Variants in RNF220 observed in about 807,000 individuals in gnomAD.
The protein encoded by RNF220 is ring finger protein 220.
In RNF220, 7 loss-of-function variants were observed where a neutral mutation model predicts 67.1. The observed-to-expected ratio is 0.10, with a 90% CI of 0.06 to 0.20. The LOEUF is 0.20. Ranked by LOEUF, RNF220 falls within the 10% of genes least tolerant of loss-of-function variation. The pLI, the probability that RNF220 is intolerant of heterozygous loss-of-function variation, is 1.00. For missense variants in RNF220, 565 were observed against 740.3 expected (o/e 0.76, Z 2.75); for synonymous variants, 270 against 283.2 (o/e 0.95, Z 0.47).
chr1:44,429,878 A>G (rs1650176676), intron 2 of RNF220, among the ~76,000 whole-genome samples: 4 of 152,182 alleles, frequency 2.6e-5, no homozygotes, highest in Admixed American at 2.6e-4. Context: ...TTTATCCTGC[A>G]TATATTGGGT....
intron 2 of RNF220, among the ~76,000 whole-genome samples, chr1:44,510,698 C>T (rs765384954): frequency 2.0e-5 from 3 of 152,094 alleles, no homozygotes; most frequent in Non-Finnish European, 4.4e-5. Flanking sequence ...TCTAGTGGCA[C>T]GATGAGGTGG....
chr1:44,504,092 C>T (rs1410177082), intron 2 of RNF220, among the ~76,000 whole-genome samples: 2 of 152,124 alleles, frequency 1.3e-5, no homozygotes, highest in African/African-American at 2.4e-5. Context: ...TTGTGATCCA[C>T]CTGCCTCAGC....
intron 2 of RNF220, among the ~76,000 whole-genome samples, chr1:44,563,394 G>A (rs995324266): frequency 1.3e-5 from 2 of 152,192 alleles, no homozygotes; most frequent in Non-Finnish European, 2.9e-5. Context: ...CAGCAGCTGA[G>A]GACTTCAGGG....
chr1:44,577,656 C>T (rs939960694), intron 2 of RNF220, among the ~76,000 whole-genome samples: 4 of 152,138 alleles, frequency 2.6e-5, no homozygotes, highest in African/African-American at 9.7e-5. Flanking sequence ...TGATCAGTAC[C>T]ACAAAGGAAA....
intron 3 of RNF220, among the ~76,000 whole-genome samples, chr1:44,617,897 C>T (rs1643628771): frequency 6.6e-6 from 1 of 152,108 alleles, no homozygotes; most frequent in Admixed American, 6.5e-5. Flanking sequence ...TGCCCCAGCC[C>T]TTCTTTCCCC....
intron 1 of RNF220, among the ~76,000 whole-genome samples, chr1:44,406,652 C>T (rs892932421): frequency 1.3e-5 from 2 of 152,250 alleles, no homozygotes; most frequent in Non-Finnish European, 2.9e-5. Flanking sequence ...CCCAGCCCCG[C>T]CACCGCACTC....
chr1:44,646,852 C>T (rs538105197), intron 12 of RNF220, among the ~76,000 whole-genome samples: 40 of 152,188 alleles, frequency 2.6e-4, no homozygotes, highest in Non-Finnish European at 4.1e-4. Context: ...CCATCAGTCC[C>T]CGTGATTTCT....
At chr1:44,644,919 G>A in intron 9 of RNF220, 76 bp from the exon 10 acceptor site, 1 of 1,551,324 alleles carries the variant, frequency 6.4e-7, no homozygotes. Context: ...TGGCCAGGAG[G>A]GCCATGCTCT....
rs1032365363 is a variant in RNF220 at position 44,645,836 on chromosome 1, G to A, written c.1445+348G>A. On this transcript the variant is annotated intron_variant, in intron 12 of 14. Transcript: ENST00000361799. This position sits in a 1 kb window ranked among gnomAD's most constrained non-coding sequence, Gnocchi z 5.0. ...ATCTCCAGTTTCTGTTTCTTAATCG[G>A]GAGCTAAATTGGTTTCATTTTTCTT... 2.0e-5 allele frequency among the ~76,000 whole-genome samples: 3 copies of A among 152,246 alleles called. No homozygotes were observed. Among genetic ancestry groups the A allele is most frequent in the African/African-American group, 7.2e-5 (3 of 41,456 alleles).
chr1:44,405,440 A>G lies in RNF220; in HGVS notation c.-208A>G, dbSNP rs952233857. 3 of 616,692 alleles carry G rather than the reference A, an allele frequency of 4.9e-6. No individual in the cohort carries two copies. In the African/African-American group the frequency reaches 5.7e-5, roughly 12 times the overall value. 38.2% of individuals were successfully genotyped at this position (616,692 alleles called of 1,614,324 possible). A position where few individuals can be genotyped will look rare whatever the true frequency, so the allele number is the denominator to read the frequency against. On this transcript the variant is annotated 5_prime_UTR_variant, in exon 1 of 15. Coordinates refer to ENST00000361799, the MANE Select transcript of RNF220 (RefSeq NM_018150.4). ...CGCCGCTGCCTCCGCCGGCTCTGCG[A>G]ACCCGGGACTTTTCATGCACCACAC... is the stretch of plus-strand genomic sequence containing the variant.
Position 44,649,733 on chromosome 1 carries a change from A to G in RNF220, c.1518A>G (p.Leu506=), listed in dbSNP as rs747773325. The stretch of plus-strand genomic sequence containing the variant: ...GGGTCAGAGAACTTGAACGGCAGCT[A>G]TCTCGTGGGGACCGTTACAAATGCC... ...KARVRELERQ[L]SRGDRYKCLI... The change falls in exon 13 of 15, where the codon CTA becomes CTG. Residue 506 remains leucine (L), a synonymous_variant. Coordinates refer to ENST00000361799, the MANE Select transcript of RNF220 (RefSeq NM_018150.4). This position sits in a 1 kb window ranked among gnomAD's most constrained non-coding sequence, Gnocchi z 5.9. 1.2e-6 allele frequency: 2 copies of G among 1,614,032 alleles called. No individual in the cohort carries two copies. Among genetic ancestry groups the G allele is most frequent in the Non-Finnish European group, 1.7e-6 (2 of 1,179,964 alleles).
chr1:44,457,787 G>A (rs189197783), intron 2 of RNF220, among the ~76,000 whole-genome samples: 25 of 152,248 alleles, frequency 1.6e-4, no homozygotes, highest in Non-Finnish European at 2.9e-4. Flanking sequence ...ATCATAAAAA[G>A]TACCACATAT....
intron 2 of RNF220, among the ~76,000 whole-genome samples, chr1:44,567,890 C>T (rs1378822789): frequency 6.6e-6 from 1 of 152,146 alleles, no homozygotes; most frequent in Non-Finnish European, 1.5e-5. Flanking sequence ...AGCCCCATTT[C>T]ACCCTGCAGC....
At chr1:44,614,503 G>A (rs911113703) in intron 3 of RNF220, among the ~76,000 whole-genome samples, 1 of 152,214 alleles carries the variant, frequency 6.6e-6, no homozygotes, top group African/African-American at 2.4e-5. Context: ...TTTTGGAGAT[G>A]GGAGGAGAGT....
intron 2 of RNF220, among the ~76,000 whole-genome samples, chr1:44,568,621 G>C (rs1664203628): frequency 6.6e-6 from 1 of 152,224 alleles, no homozygotes; most frequent in Non-Finnish European, 1.5e-5. Context: ...TTTCTCTGTA[G>C]TCCTTGCCCT....
At chr1:44,618,850 C>T (rs1040275444) in intron 3 of RNF220, among the ~76,000 whole-genome samples, 11 of 152,072 alleles carry the variant, frequency 7.2e-5, no homozygotes, top group East Asian at 1.9e-4. Context: ...GAGGGAATGA[C>T]GACAGACCAG....
chr1:44,437,354 A>G (rs1651082525), intron 2 of RNF220, among the ~76,000 whole-genome samples: 1 of 152,254 alleles, frequency 6.6e-6, no homozygotes, highest in African/African-American at 2.4e-5. Flanking sequence ...GTTAGAAACC[A>G]TAATTAGCAA....
rs528946562 is a variant in RNF220, at chr1:44,621,917, C to T, written c.759-825C>T. ...ATGTGTGTGTGTGTGTGAGTGCACG[C>T]GCATGAATGTGCGAGCACAGATGTG... On this transcript the variant is annotated intron_variant, in intron 3 of 14. Coordinates refer to ENST00000361799, the MANE Select transcript of RNF220 (RefSeq NM_018150.4). The surrounding 1 kb of genome is among the most constrained non-coding windows in gnomAD (Gnocchi z 4.8). 4.6e-5 allele frequency among the ~76,000 whole-genome samples: 7 copies of T among 152,304 alleles called. No homozygotes were observed. The highest frequency in any genetic ancestry group is 1.9e-4 in the East Asian group (1 of 5,184).
rs1246713112 is a variant in RNF220, at chr1:44,451,144, C to A, written c.625+38422C>A. ...GTTGCAGTGAGCCAAGATCGGGCCA[C>A]TGCATTCCTGCCTGGGCGACAGAGT... On this transcript the variant is annotated intron_variant, in intron 2 of 14. Transcript: ENST00000361799. 2.0e-5 allele frequency among the ~76,000 whole-genome samples: 3 copies of A among 151,466 alleles called. No individual in the cohort carries two copies. In the East Asian group the frequency reaches 5.8e-4, roughly 29 times the overall value.
Sources: allele counts gnomAD v4.1 joint callset (sites outside exome capture counted in the v4.1 genomes callset), GRCh38; gene constraint gnomAD v4.1.1; non-coding constraint Gnocchi (gnomAD v3.1); transcripts MANE v1.5; gene names NCBI Gene and HGNC (gene_info 2026-07-23, HGNC 2026-07-21).